The following MNAT1 variants were observed in gnomAD, a reference collection of about 807,000 sequenced individuals.
The protein encoded by MNAT1 is CDK-activating kinase assembly factor MAT1.
Under a neutral mutation model 42.0 loss-of-function variants are expected in MNAT1, and 43 were observed. That is an observed-to-expected ratio of 1.02 (90% confidence interval 0.80 to 1.32). The LOEUF (loss-of-function observed/expected upper bound fraction) is 1.32. MNAT1 is among the 40% of genes most tolerant of loss of function. MNAT1 has a pLI of 0.00. For missense variants in MNAT1, 306 were observed against 350.4 expected (o/e 0.87, Z 1.01); for synonymous variants, 118 against 120.0 (o/e 0.98, Z 0.11).
intron 6 of MNAT1, among the ~76,000 whole-genome samples, chr14:60,832,165 C>A (rs1053947986): frequency 6.6e-6 from 1 of 152,168 alleles, no homozygotes; most frequent in African/African-American, 2.4e-5. Flanking sequence ...TTTTGCTGTG[C>A]AGAAGCTCTT....
At chr14:60,871,040 T>C (rs989340149) in intron 6 of MNAT1, among the ~76,000 whole-genome samples, 1 of 152,216 alleles carries the variant, frequency 6.6e-6, no homozygotes, top group African/African-American at 2.4e-5. Context: ...ACGTTTTTGA[T>C]GTTCATCCAT....
At chr14:60,849,216 T>G (rs927907396) in intron 6 of MNAT1, among the ~76,000 whole-genome samples, 2 of 152,222 alleles carry the variant, frequency 1.3e-5, no homozygotes, top group African/African-American at 4.8e-5. Context: ...AAACAGCAAA[T>G]CACTCATGTA....
intron 1 of MNAT1, among the ~76,000 whole-genome samples, chr14:60,786,643 A>G (rs4151193): frequency 1.8e-3 from 277 of 152,286 alleles, no homozygotes; most frequent in Non-Finnish European, 3.3e-3. Context: ...ACATAACTAT[A>G]TTTTCCAAAA....
intron 6 of MNAT1, among the ~76,000 whole-genome samples, chr14:60,821,271 C>A (rs2032882866): frequency 6.6e-6 from 1 of 152,068 alleles, no homozygotes; most frequent in Non-Finnish European, 1.5e-5. Context: ...CATGGGCTAC[C>A]ACGCCTGGCC....
At chr14:60,782,991 A>G (rs1286034332) in intron 1 of MNAT1, among the ~76,000 whole-genome samples, 3 of 152,232 alleles carry the variant, frequency 2.0e-5, no homozygotes, top group African/African-American at 7.2e-5. Context: ...TCTTTATAGT[A>G]TGGCTTTATA....
intron 7 of MNAT1, among the ~76,000 whole-genome samples, chr14:60,915,116 G>T (rs971942591): frequency 4.6e-5 from 7 of 152,090 alleles, no homozygotes; most frequent in African/African-American, 1.7e-4. Flanking sequence ...GATTCTGCTT[G>T]TCTCAGTGTA....
At chr14:60,739,633 G>A (rs1896408691) in intron 1 of MNAT1, among the ~76,000 whole-genome samples, 1 of 152,174 alleles carries the variant, frequency 6.6e-6, no homozygotes, top group Non-Finnish European at 1.5e-5. Context: ...ATTTAATCTA[G>A]CAAATGCACA....
intron 6 of MNAT1, among the ~76,000 whole-genome samples, chr14:60,878,149 A>T (rs946415583): frequency 6.6e-6 from 1 of 152,122 alleles, no homozygotes; most frequent in African/African-American, 2.4e-5. Context: ...CTATGCTTGT[A>T]CACAAGGGAA....
chr14:60,909,434 T>A (rs1411207489), intron 7 of MNAT1, among the ~76,000 whole-genome samples: 1 of 152,220 alleles, frequency 6.6e-6, no homozygotes, highest in Non-Finnish European at 1.5e-5. Flanking sequence ...CTAGGTTTTC[T>A]TCTAGGGTTT....
At chr14:60,821,281 C>G (rs984111492) in intron 6 of MNAT1, among the ~76,000 whole-genome samples, 2 of 152,068 alleles carry the variant, frequency 1.3e-5, no homozygotes, top group Non-Finnish European at 1.5e-5. Flanking sequence ...CACGCCTGGC[C>G]CATGTTATGC....
rs532241227 is a variant in MNAT1 at position 60,936,330 on chromosome 14, T to C, written c.810-31899T>C. Among the ~76,000 whole-genome samples, 9 of 152,096 alleles carry C rather than the reference T, an allele frequency of 5.9e-5. No individual in the cohort carries two copies. In the South Asian group the frequency reaches 1.9e-3, roughly 32 times the overall value. Reference sequence around the variant, plus strand: ...TGTCATGTTGGTGTGCTGCACTCATTAACTCATCATTTAACATTAGGTATA... The same window carrying C: ...TGTCATGTTGGTGTGCTGCACTCATCAACTCATCATTTAACATTAGGTATA... On this transcript the variant is annotated intron_variant, in intron 7 of 7. Coordinates refer to ENST00000261245, the MANE Select transcript of MNAT1 (RefSeq NM_002431.4).
chr14:60,962,400 G>A (rs1238888136), intron 7 of MNAT1, among the ~76,000 whole-genome samples: 1 of 152,132 alleles, frequency 6.6e-6, no homozygotes, highest in Non-Finnish European at 1.5e-5. Flanking sequence ...TTAAATGTAT[G>A]TAGTATATAG....
At position 60,968,786 on chromosome 14, in the gene MNAT1, T is replaced by G; in HGVS notation, c.*437T>G. ...TATCCAAGTCTATTATTTCTTCTCA[T>G]AAAATGTTCCCCTTTTTCCTAATGT... On this transcript the variant is annotated 3_prime_UTR_variant, in exon 8 of 8. Transcript: ENST00000261245. 1 of 273,522 alleles carries G rather than the reference T, an allele frequency of 3.7e-6. No homozygotes were observed. The highest frequency in any genetic ancestry group is 3.6e-5 in the South Asian group (1 of 27,754). The allele number at this position is 273,522 out of a possible 1,614,324, so 16.9% of individuals were successfully genotyped here.
chr14:60,838,689 C>T (rs944625306), intron 6 of MNAT1, among the ~76,000 whole-genome samples: 1 of 151,628 alleles, frequency 6.6e-6, no homozygotes, highest in African/African-American at 2.4e-5. Flanking sequence ...GGGCAGGAGC[C>T]CTGTGCTCCT....
chr14:60,933,859 G>A (rs2035938327), intron 7 of MNAT1, among the ~76,000 whole-genome samples: 1 of 152,108 alleles, frequency 6.6e-6, no homozygotes, highest in Admixed American at 6.6e-5. Context: ...ACATTGTCTG[G>A]AAGATTTAAG....
At chr14:60,850,810 A>G (rs1052182767) in intron 6 of MNAT1, among the ~76,000 whole-genome samples, 2 of 152,228 alleles carry the variant, frequency 1.3e-5, no homozygotes, top group African/African-American at 4.8e-5. Context: ...GAGAGTGATT[A>G]GGTGACTGGC....
intron 6 of MNAT1, among the ~76,000 whole-genome samples, chr14:60,829,359 A>G (rs963690607): frequency 3.9e-5 from 6 of 152,278 alleles, no homozygotes; most frequent in East Asian, 1.9e-4. Context: ...ATATATTCCT[A>G]TATTTCTAGG....
chr14:60,796,337 G>A lies in MNAT1; in HGVS notation c.210G>A (p.Lys70=). ...TCTTTGAAGATCCCACTGTTGACAA[G>A]GAGGTTGAGATCAGGAAAAAAGTGC... The part of the protein sequence containing the change: ...VQLFEDPTVD[K]EVEIRKKVLK... The change falls in exon 2 of 8, where the codon AAG becomes AAA. Residue 70 remains lysine, a synonymous_variant. Transcript: ENST00000261245. 1.2e-6 allele frequency: 2 copies of A among 1,613,460 alleles called. No individual in the cohort carries two copies. Among genetic ancestry groups the A allele is most frequent in the East Asian group, 4.5e-5 (2 of 44,852 alleles).
At chr14:60,755,162 C>G (rs1034180152) in intron 1 of MNAT1, among the ~76,000 whole-genome samples, 5 of 151,830 alleles carry the variant, frequency 3.3e-5, no homozygotes, top group African/African-American at 1.2e-4. Context: ...CCATGCCTAC[C>G]TAATTTTTTT....
Sources: gnomAD v4.1 joint callset for allele counts (sites outside exome capture counted in the v4.1 genomes callset) on GRCh38, gnomAD v4.1.1 for gene constraint, MANE v1.5 for transcripts, NCBI Gene and HGNC (gene_info 2026-07-23, HGNC 2026-07-21) for gene names.